Variants in CEP250 observed in about 807,000 individuals in gnomAD.
The protein encoded by CEP250 is centrosomal protein 250.
In CEP250, 242 loss-of-function variants were observed where a neutral mutation model predicts 315.7. The ratio of observed to expected loss-of-function variants is 0.77; its 90% CI spans 0.69 to 0.85. CEP250 has a LOEUF of 0.85. Among genes scored for constraint, CEP250 ranks in the 40% least tolerant of loss-of-function variants. CEP250 has a pLI of 0.00. For missense variants in CEP250, 2,515 were observed against 2,886.4 expected (o/e 0.87, Z 2.95); for synonymous variants, 1,088 against 1,175.0 (o/e 0.93, Z 1.51).
rs539687407 is a variant in CEP250, at chr20:35,465,747, C to T, written c.248C>T (p.Pro83Leu). The T allele has an allele frequency of 9.4e-6, 15 of 1,599,368 alleles. No individual in the cohort carries two copies. In the South Asian group the frequency reaches 1.7e-4, roughly 18 times the overall value. The part of the protein sequence containing the change: ...LEKRLEATGG[P>L]IPQRWENVEE... ...GCTTGTCTCTGTCTGGCGCAGGGAC[C>T]AATCCCCCAGAGGTGGGAAAATGTG... Residue 83 changes from proline (P) to leucine (L), a missense_variant, in exon 6 of 35, where the codon CCA becomes CTA. Transcript: ENST00000397527.
At position 35,467,448 on chromosome 20, in the gene CEP250, G is replaced by GCTA; in HGVS notation, c.748_750dup (p.Leu250dup). The GCTA allele has an allele frequency of 6.2e-7, 1 of 1,614,190 alleles. No individual in the cohort carries two copies. Among genetic ancestry groups the GCTA allele is most frequent in the Non-Finnish European group, 8.5e-7 (1 of 1,180,038 alleles). On this transcript the variant is annotated inframe_insertion, in exon 9 of 35. Transcript: ENST00000397527. ...GGCGGGAGCCGGCCCAGCTGCTGCT[G>GCTA]CTACTAGCCAAGACCCAGGAGCTGG... is the stretch of plus-strand genomic sequence containing the variant.
intron 4 of CEP250, 80 bp from the exon 5 acceptor site, chr20:35,463,495 C>A: frequency 7.7e-7 from 1 of 1,301,032 alleles, no homozygotes; most frequent in Non-Finnish European, 1.1e-6. Context: ...GCAAGTTTGC[C>A]TAAGATCCTC....
chr20:35,470,228 A>G (rs747442282), intron 10 of CEP250: 4 of 556,644 alleles, frequency 7.2e-6, no homozygotes, highest in Non-Finnish European at 1.3e-5. Flanking sequence ...ATATGTATGC[A>G]GTGTGTCCTT....
At position 35,513,803 on chromosome 20, in the gene CEP250, T is replaced by C. The variant is rs1377879770; in HGVS notation, c.*2177T>C. ...ATCTTAGAGGCTGCCAAGCAGGGTC[T>C]TTATTCAGGACTAGACTAATCTGTA... On this transcript the variant is annotated 3_prime_UTR_variant, in exon 35 of 35. Coordinates refer to ENST00000397527, the MANE Select transcript of CEP250 (RefSeq NM_007186.6). 3 of 152,288 alleles carry C rather than the reference T, an allele frequency of 2.0e-5. No individual in the cohort carries two copies. Among genetic ancestry groups the C allele is most frequent in the African/African-American group, 7.2e-5 (3 of 41,466 alleles). The allele number at this position is 152,288 out of a possible 1,614,324, so 9.4% of individuals were successfully genotyped here.
At chr20:35,463,267 G>A (rs186358040) in intron 4 of CEP250, among the ~76,000 whole-genome samples, 130 of 152,296 alleles carry the variant, frequency 8.5e-4, no homozygotes, top group African/African-American at 2.9e-3. Flanking sequence ...GCTGAGTGTG[G>A]TGGCGCATGC....
At chr20:35,474,090 C>G in intron 14 of CEP250, 38 bp downstream of exon 14, 4 of 1,462,852 alleles carry the variant, frequency 2.7e-6, no homozygotes, top group Non-Finnish European at 3.6e-6. Context: ...GGGCCCTGGT[C>G]TTTCTTCAAT....
intron 15 of CEP250, 42 bp from the exon 16 acceptor site, chr20:35,476,407 A>T (rs777493280): frequency 6.3e-7 from 1 of 1,590,920 alleles, no homozygotes; most frequent in South Asian, 1.1e-5. Flanking sequence ...TGTTCCAGGA[A>T]AATTGGAAAT....
chr20:35,474,907 C>T, intron 14 of CEP250: 1 of 468,626 alleles, frequency 2.1e-6, no homozygotes, highest in Non-Finnish European at 4.4e-6. Flanking sequence ...CTGTATTTCC[C>T]TCCTCTCCTG....
chr20:35,480,189 G>T, intron 20 of CEP250, 44 bp downstream of exon 20: 1 of 1,544,012 alleles, frequency 6.5e-7, no homozygotes, highest in Non-Finnish European at 8.8e-7. Flanking sequence ...TTCCATGAGT[G>T]CTCTACCTGC....
intron 10 of CEP250, 63 bp downstream of exon 10, chr20:35,470,049 G>A: frequency 9.5e-7 from 1 of 1,057,004 alleles, no homozygotes; most frequent in Non-Finnish European, 1.5e-6. Context: ...TGTGCTTTAT[G>A]GACAGATAGT....
intron 5 of CEP250, among the ~76,000 whole-genome samples, chr20:35,463,968 A>G (rs1006562160): frequency 3.3e-5 from 5 of 152,148 alleles, no homozygotes; most frequent in African/African-American, 4.8e-5. Context: ...CAGCAAAGGG[A>G]TGTCTGTGCT....
At chr20:35,486,970 G>A (rs1322470761) in intron 20 of CEP250, among the ~76,000 whole-genome samples, 1 of 152,172 alleles carries the variant, frequency 6.6e-6, no homozygotes, top group Non-Finnish European at 1.5e-5. Context: ...TCCCTAAAAG[G>A]ATTGACTATA....
At chr20:35,456,559 T>G (rs2062631509) in intron 1 of CEP250, among the ~76,000 whole-genome samples, 1 of 152,210 alleles carries the variant, frequency 6.6e-6, no homozygotes, top group Non-Finnish European at 1.5e-5. Context: ...TCTTCTATCT[T>G]TCTTTGCTCC....
rs187622944 is a variant in CEP250 at position 35,464,242 on chromosome 20, C to A, written c.243+611C>A. Among the ~76,000 whole-genome samples, 9 of 152,312 alleles carry A rather than the reference C, an allele frequency of 5.9e-5. No homozygotes were observed. The East Asian group carries it at 1.5e-3, about 26-fold the overall frequency. ...TGTTCCTTGGGTTATGATGGGGTTA[C>A]AGCTGGATAAACCCATTGTTTGGGG... On this transcript the variant is annotated intron_variant, in intron 5 of 34. Transcript: ENST00000397527.
At chr20:35,501,762 C>T (rs2064010141) in intron 28 of CEP250, 83 bp from the exon 29 acceptor site, 7 of 1,430,520 alleles carry the variant, frequency 4.9e-6, no homozygotes, top group South Asian at 4.1e-5. Flanking sequence ...GTTCCCCATC[C>T]TCCATCTGCC....
At position 35,508,088 on chromosome 20, in the gene CEP250, G is replaced by A; in HGVS notation, c.6804G>A (p.Trp2268Ter). 1 of 1,614,182 alleles carries A rather than the reference G, an allele frequency of 6.2e-7. No individual in the cohort carries two copies. The highest frequency in any genetic ancestry group is 8.5e-7 in the Non-Finnish European group (1 of 1,180,032). ...PSPDGMEKQS[W>*]RQRLEHLQQA... ...CTGATGGAATGGAGAAGCAGTCATG[G>A]AGACAAAGGCTTGAACACCTGCAGC... The change falls in exon 32 of 35, where the codon TGG becomes TGA. Residue 2268 changes from tryptophan (W) to a stop codon, truncating the protein, a stop_gained. Coordinates refer to ENST00000397527, the MANE Select transcript of CEP250 (RefSeq NM_007186.6). LOFTEE classifies it high-confidence loss of function.
At chr20:35,507,616 C>T (rs1371061522) in intron 30 of CEP250, 122 bp from the exon 31 acceptor site, 3 of 765,534 alleles carry the variant, frequency 3.9e-6, no homozygotes, top group Non-Finnish European at 6.7e-6. Flanking sequence ...TGACTCAGAG[C>T]CTCTAGGAAA....
In CEP250 at chr20:35,473,853, T is replaced by C. The variant is rs771080820; in HGVS notation, c.1389-17T>C. ...AGGTCCTATGGTCTCTGCTCATCTC[T>C]GATTCCCTTCTTCCAGGGAGCGAGA... On this transcript the variant is annotated splice_polypyrimidine_tract_variant and intron_variant, in intron 13 of 34. Coordinates refer to ENST00000397527, the MANE Select transcript of CEP250 (RefSeq NM_007186.6). 1.5e-5 allele frequency: 24 copies of C among 1,603,958 alleles called. No individual in the cohort carries two copies. The highest frequency in any genetic ancestry group is 2.0e-5 in the Non-Finnish European group (24 of 1,176,360).
At chr20:35,507,957 A>G in intron 31 of CEP250, 78 bp from the exon 32 acceptor site, 1 of 1,602,454 alleles carries the variant, frequency 6.2e-7, no homozygotes, top group Non-Finnish European at 8.5e-7. Flanking sequence ...AACCTGCCAG[A>G]TTGGTCTGTG....
Sources: gnomAD v4.1 joint callset for allele counts (sites outside exome capture counted in the v4.1 genomes callset) on GRCh38, gnomAD v4.1.1 for gene constraint, MANE v1.5 for transcripts, NCBI Gene and HGNC (gene_info 2026-07-23, HGNC 2026-07-21) for gene names.